The following SNAPC3 variants were observed in gnomAD, a reference collection of about 807,000 sequenced individuals.
The protein encoded by SNAPC3 is snRNA-activating protein complex subunit 3.
SNAPC3 carries 56 observed loss-of-function variants against 47.7 expected under a neutral mutation model. That is an observed-to-expected ratio of 1.18 (90% confidence interval 0.95 to 1.47). SNAPC3 has a LOEUF of 1.47. Among genes scored for constraint, SNAPC3 ranks in the 40% most tolerant of loss-of-function variants. The pLI, the probability that SNAPC3 is intolerant of heterozygous loss-of-function variation, is 0.00. For missense variants in SNAPC3, 665 were observed against 511.3 expected (o/e 1.30, Z -2.90); for synonymous variants, 235 against 189.9 (o/e 1.24, Z -1.95).
At chr9:15,456,000 G>A (rs1039663495) in intron 7 of SNAPC3, among the ~76,000 whole-genome samples, 5 of 151,792 alleles carry the variant, frequency 3.3e-5, no homozygotes, top group African/African-American at 1.2e-4. Context: ...TCAGCCTCCC[G>A]AGTAGCTGGG....
chr9:15,455,166 T>C (rs1207163357), intron 7 of SNAPC3, among the ~76,000 whole-genome samples: 1 of 152,098 alleles, frequency 6.6e-6, no homozygotes, highest in Non-Finnish European at 1.5e-5. Flanking sequence ...CAATTGCCCC[T>C]AGGGAAGAAG....
chr9:15,452,992 T>A, intron 6 of SNAPC3, 49 bp from the exon 7 acceptor site: 2 of 1,476,218 alleles, frequency 1.4e-6, no homozygotes. Context: ...TTCTGTAGTT[T>A]TTAAGTTTTT....
rs981813312 is a variant in SNAPC3 at position 15,433,613 on chromosome 9, C to T, written c.454C>T (p.Gln152Ter). The T allele has an allele frequency of 1.9e-6, 3 of 1,605,954 alleles. No individual in the cohort carries two copies. The South Asian group carries it at 3.3e-5, about 18-fold the overall frequency. The change falls in exon 3 of 9, where the codon CAA (glutamine) becomes TAA (stop). Residue 152 changes from glutamine to a stop codon, truncating the protein, a stop_gained. Transcript: ENST00000380821. LOFTEE classifies it high-confidence loss of function. ...CATTACAATAGATCGAGCCTGCAGA[C>T]AAGAAACATTCGTTTATGAGATGGT... Reference protein sequence around the residue: ...ETITIDRACRQETFVYEMESH... With the variant: ...ETITIDRACR
chr9:15,448,798 A>G (rs780543334), intron 5 of SNAPC3, among the ~76,000 whole-genome samples: 7 of 152,178 alleles, frequency 4.6e-5, no homozygotes, highest in Non-Finnish European at 7.4e-5. Context: ...GCGGAGCAGG[A>G]AATACGAGAT....
At chr9:15,424,617 C>T (rs1252739410) in intron 2 of SNAPC3, among the ~76,000 whole-genome samples, 2 of 152,092 alleles carry the variant, frequency 1.3e-5, no homozygotes, top group Non-Finnish European at 1.5e-5. Flanking sequence ...TTTCTAAATG[C>T]TTACTGTCAT....
At chr9:15,435,588 G>A (rs948794488) in intron 3 of SNAPC3, among the ~76,000 whole-genome samples, 15 of 151,632 alleles carry the variant, frequency 9.9e-5, no homozygotes, top group African/African-American at 3.4e-4. Context: ...AAAATTAGCC[G>A]GGCGTGGTGG....
intron 3 of SNAPC3, among the ~76,000 whole-genome samples, chr9:15,443,123 A>G (rs2033636186): frequency 6.6e-6 from 1 of 152,238 alleles, no homozygotes; most frequent in Non-Finnish European, 1.5e-5. Context: ...TGGCGGCAGT[A>G]CAGTCCAGCT....
chr9:15,437,084 C>T lies in SNAPC3; in HGVS notation c.477+3448C>T, dbSNP rs538506355. On this transcript the variant is annotated intron_variant, in intron 3 of 8. Coordinates refer to ENST00000380821, the MANE Select transcript of SNAPC3 (RefSeq NM_001039697.2). ...AGGTGATCCGCCTGCCTCGGCCTCC[C>T]AAAATGCTGGGATTACAGACGTGAG... 4.4e-3 allele frequency among the ~76,000 whole-genome samples: 667 copies of T among 152,148 alleles called. 3 individuals are homozygous for T. Among genetic ancestry groups the T allele is most frequent in the African/African-American group, 0.015 (642 of 41,510 alleles).
At chr9:15,433,083 T>G (rs1186648283) in intron 2 of SNAPC3, among the ~76,000 whole-genome samples, 2 of 152,180 alleles carry the variant, frequency 1.3e-5, no homozygotes, top group East Asian at 1.9e-4. Flanking sequence ...ATGCTAAATT[T>G]ATTCCTATCA....
Position 15,444,586 on chromosome 9 carries a change from C to CT in SNAPC3, c.478-11dup. ...GTTATAGTATCTGATTTCAGTGTCT[C>CT]TTTTTCTTTCTTCAGGAGTCACATG... On this transcript the variant is annotated splice_polypyrimidine_tract_variant and intron_variant, in intron 3 of 8. Coordinates refer to ENST00000380821, the MANE Select transcript of SNAPC3 (RefSeq NM_001039697.2). The CT allele has an allele frequency of 6.6e-7, 1 of 1,519,006 alleles. No homozygotes were observed. Among genetic ancestry groups the CT allele is most frequent in the Non-Finnish European group, 9.1e-7 (1 of 1,095,834 alleles). The allele number at this position is 1,519,006 out of a possible 1,614,324, so 94.1% of individuals were successfully genotyped here. A position where few individuals can be genotyped will look rare whatever the true frequency, so the allele number is the denominator to read the frequency against.
intron 2 of SNAPC3, among the ~76,000 whole-genome samples, chr9:15,428,839 C>T (rs961222596): frequency 3.3e-5 from 5 of 150,968 alleles, no homozygotes; most frequent in Admixed American, 1.3e-4. Flanking sequence ...AAGATGAATC[C>T]GAGAAAGTAG....
chr9:15,452,037 C>T (rs1294287219), intron 6 of SNAPC3, among the ~76,000 whole-genome samples: 1 of 152,080 alleles, frequency 6.6e-6, no homozygotes, highest in Non-Finnish European at 1.5e-5. Context: ...GATCTCAGCT[C>T]ACTGCAGCCT....
At chr9:15,440,152 T>C (rs547110285) in intron 3 of SNAPC3, among the ~76,000 whole-genome samples, 1 of 152,342 alleles carries the variant, frequency 6.6e-6, no homozygotes, top group South Asian at 2.1e-4. Context: ...AAGTATTGTT[T>C]AATCCATTTA....
chr9:15,423,327 C>A, intron 1 of SNAPC3, 134 bp downstream of exon 1: 2 of 906,210 alleles, frequency 2.2e-6, no homozygotes, highest in Non-Finnish European at 3.1e-6. Flanking sequence ...CCCTTTAAAG[C>A]TTTCAACCCG....
intron 2 of SNAPC3, among the ~76,000 whole-genome samples, 191 bp downstream of exon 2, chr9:15,424,177 AT>A (rs1256067496): frequency 6.6e-6 from 1 of 152,138 alleles, no homozygotes; most frequent in African/African-American, 2.4e-5. Context: ...TCATTTTGCT[AT>A]CCCCCATTCA....
downstream of SNAPC3, chr9:15,464,966 A>G (rs899124859): frequency 5.1e-5 from 11 of 217,410 alleles, no homozygotes; most frequent in East Asian, 6.9e-4. Flanking sequence ...GTTCCAAAGA[A>G]GCTGGATAAT....
chr9:15,459,243 A>C (rs1412465707), intron 8 of SNAPC3, among the ~76,000 whole-genome samples: 2 of 152,240 alleles, frequency 1.3e-5, no homozygotes, highest in African/African-American at 2.4e-5. Context: ...TTATAACATA[A>C]TCTTGAGTTC....
At chr9:15,434,409 C>CTT (rs575328490) in intron 3 of SNAPC3, among the ~76,000 whole-genome samples, 49 of 135,452 alleles carry the variant, frequency 3.6e-4, no homozygotes, top group African/African-American at 7.6e-4. Context: ...TTCTGTATGG[C>CTT]TTTTTTTTTT....
intron 2 of SNAPC3, among the ~76,000 whole-genome samples, chr9:15,428,453 G>A (rs1161999619): frequency 1.3e-5 from 2 of 148,380 alleles, no homozygotes; most frequent in Non-Finnish European, 3.0e-5. Flanking sequence ...AGCTTGCAGT[G>A]AGCCGAGATC....
Sources: gnomAD v4.1 joint callset for allele counts (sites outside exome capture counted in the v4.1 genomes callset) on GRCh38, gnomAD v4.1.1 for gene constraint, MANE v1.5 for transcripts, NCBI Gene and HGNC (gene_info 2026-07-23, HGNC 2026-07-21) for gene names.